Variants in CFAP299 observed in about 807,000 individuals in gnomAD.
CFAP299 encodes the protein cilia- and flagella-associated protein 299.
A neutral mutation model predicts 27.0 loss-of-function variants in CFAP299; 21 were observed. The ratio of observed to expected loss-of-function variants is 0.78; its 90% CI spans 0.55 to 1.12. The LOEUF is 1.12. CFAP299 is among the 50% of genes most tolerant of loss of function. CFAP299 has a pLI of 0.00. For synonymous variants in CFAP299, 104 were observed against 98.1 expected (o/e 1.06, Z -0.36); for missense variants, 310 against 276.6 (o/e 1.12, Z -0.86).
intron 2 of CFAP299, among the ~76,000 whole-genome samples, chr4:80,413,338 G>A (rs1171519123): frequency 6.6e-6 from 1 of 152,218 alleles, no homozygotes; most frequent in Admixed American, 6.5e-5. Context: ...ATAAGAGTGA[G>A]AGAAGATAAC....
intron 2 of CFAP299, among the ~76,000 whole-genome samples, chr4:80,460,083 GAGA>G (rs763672451): frequency 1.1e-4 from 17 of 152,186 alleles, no homozygotes; most frequent in Non-Finnish European, 1.6e-4. Flanking sequence ...ATGTGAGAGA[GAGA>G]AGAAGAGAGG....
chr4:80,641,785 A>C (rs1406429763), intron 3 of CFAP299, among the ~76,000 whole-genome samples: 2 of 152,214 alleles, frequency 1.3e-5, no homozygotes, highest in South Asian at 4.1e-4. Context: ...TCATTTAGAT[A>C]TCATTCAAGC....
intron 2 of CFAP299, among the ~76,000 whole-genome samples, chr4:80,547,402 TAAGACCTAA>T (rs1734286463): frequency 6.6e-6 from 1 of 152,108 alleles, no homozygotes; most frequent in Non-Finnish European, 1.5e-5. Context: ...AATTTAAATG[TAAGACCTAA>T]AAGAATTTAA....
At chr4:80,582,305 T>C (rs1276264597) in intron 2 of CFAP299, among the ~76,000 whole-genome samples, 1 of 151,860 alleles carries the variant, frequency 6.6e-6, no homozygotes, top group Non-Finnish European at 1.5e-5. Flanking sequence ...TGACATTATG[T>C]TTATATATCT....
chr4:80,923,443 T>C (rs939249303), intron 4 of CFAP299, among the ~76,000 whole-genome samples: 1 of 152,064 alleles, frequency 6.6e-6, no homozygotes, highest in Non-Finnish European at 1.5e-5. Context: ...TATTTGTCCA[T>C]TTTCACTGTG....
At chr4:80,472,285 T>A (rs1730039543) in intron 2 of CFAP299, among the ~76,000 whole-genome samples, 1 of 152,156 alleles carries the variant, frequency 6.6e-6, no homozygotes, top group African/African-American at 2.4e-5. Flanking sequence ...GTAATGGTAT[T>A]TTGAGGCTTC....
At chr4:80,665,902 T>C (rs1577992770) in intron 3 of CFAP299, among the ~76,000 whole-genome samples, 2 of 152,046 alleles carry the variant, frequency 1.3e-5, no homozygotes, top group African/African-American at 4.8e-5. Context: ...TTGGTCCTGC[T>C]CCTGCCACGT....
intron 1 of CFAP299, among the ~76,000 whole-genome samples, chr4:80,355,534 T>A (rs1723233116): frequency 6.6e-6 from 1 of 152,056 alleles, no homozygotes; most frequent in African/African-American, 2.4e-5. Context: ...ATGTTTTGTA[T>A]TTTTAGTAGA....
At chr4:80,412,899 T>C (rs1726797603) in intron 2 of CFAP299, among the ~76,000 whole-genome samples, 1 of 152,230 alleles carries the variant, frequency 6.6e-6, no homozygotes, top group Non-Finnish European at 1.5e-5. Flanking sequence ...AGATTTAGAA[T>C]GTAGTATAAA....
chr4:80,819,650 T>C (rs559971373), intron 3 of CFAP299, among the ~76,000 whole-genome samples: 1 of 152,310 alleles, frequency 6.6e-6, no homozygotes, highest in South Asian at 2.1e-4. Flanking sequence ...ACGATCTCTA[T>C]GTAAACTGAT....
intron 3 of CFAP299, among the ~76,000 whole-genome samples, chr4:80,832,453 AG>A (rs907683533): frequency 1.8e-4 from 28 of 152,336 alleles, no homozygotes; most frequent in African/African-American, 6.5e-4. Flanking sequence ...GACATGTATT[AG>A]CCATAGACAA....
intron 4 of CFAP299, among the ~76,000 whole-genome samples, chr4:80,896,811 T>C (rs745678754): frequency 2.1e-4 from 32 of 152,284 alleles, no homozygotes; most frequent in Non-Finnish European, 4.3e-4. Context: ...ATATTATCTG[T>C]TATTCTAGAA....
intron 3 of CFAP299, among the ~76,000 whole-genome samples, chr4:80,679,282 G>A (rs187046167): frequency 1.9e-4 from 29 of 151,992 alleles, no homozygotes; most frequent in African/African-American, 5.3e-4. Flanking sequence ...CCATTGTGTC[G>A]TGGTTTCAAA....
intron 3 of CFAP299, among the ~76,000 whole-genome samples, chr4:80,727,080 G>A (rs977953302): frequency 1.3e-5 from 2 of 151,994 alleles, no homozygotes; most frequent in African/African-American, 4.8e-5. Context: ...GCAATGTCAT[G>A]TATGTTCCAA....
At chr4:80,702,358 C>T (rs1721548488) in intron 3 of CFAP299, among the ~76,000 whole-genome samples, 2 of 151,804 alleles carry the variant, frequency 1.3e-5, no homozygotes, top group Non-Finnish European at 2.9e-5. Flanking sequence ...AAACCTATGG[C>T]ACAGAAAATT....
intron 2 of CFAP299, among the ~76,000 whole-genome samples, chr4:80,448,999 T>C (rs1391474057): frequency 6.6e-6 from 1 of 152,188 alleles, no homozygotes; most frequent in African/African-American, 2.4e-5. Flanking sequence ...AAGTAGTTAA[T>C]GTACTTCTTG....
chr4:80,677,310 A>G (rs1719523830), intron 3 of CFAP299, among the ~76,000 whole-genome samples: 1 of 152,070 alleles, frequency 6.6e-6, no homozygotes, highest in Non-Finnish European at 1.5e-5. Flanking sequence ...ATCTGAAAAC[A>G]TACTTGATAT....
At chr4:80,577,888 T>A (rs17004945) in intron 2 of CFAP299, among the ~76,000 whole-genome samples, 18,530 of 152,198 alleles carry the variant, frequency 0.12, 1,354 homozygotes, top group South Asian at 0.23. Context: ...TTTCCTTTTG[T>A]TATTCATTCG....
intron 2 of CFAP299, among the ~76,000 whole-genome samples, chr4:80,461,635 C>T (rs1053357753): frequency 4.6e-5 from 7 of 152,082 alleles, no homozygotes; most frequent in Admixed American, 3.3e-4. Flanking sequence ...ACTAGTTTTT[C>T]AGGTTTACTT....
Sources: gnomAD v4.1 joint callset for allele counts (sites outside exome capture counted in the v4.1 genomes callset) on GRCh38, gnomAD v4.1.1 for gene constraint, MANE v1.5 for transcripts, NCBI Gene and HGNC (gene_info 2026-07-23, HGNC 2026-07-21) for gene names.